Variants in CSMD3 observed in about 807,000 individuals in gnomAD.
CSMD3 encodes the protein CUB and sushi domain-containing protein 3.
Under a neutral mutation model 435.2 loss-of-function variants are expected in CSMD3, and 177 were observed. The ratio of observed to expected loss-of-function variants is 0.41; its 90% CI spans 0.36 to 0.46. The LOEUF is 0.46. Ranked by LOEUF, CSMD3 falls within the 20% of genes least tolerant of loss-of-function variation. The probability of loss-of-function intolerance (pLI) is 0.34; values close to 1 mark genes in which losing one functional copy is unlikely to be tolerated. For missense variants in CSMD3, 4,265 were observed against 4,504.6 expected (o/e 0.95, Z 1.52); for synonymous variants, 1,656 against 1,520.5 (o/e 1.09, Z -2.07).
intron 10 of CSMD3, among the ~76,000 whole-genome samples, chr8:112,901,259 T>C (rs1365870476): frequency 6.6e-6 from 1 of 151,294 alleles, no homozygotes; most frequent in East Asian, 2.0e-4. Context: ...TCAAACTCTT[T>C]TGCAGTGTGT....
chr8:112,650,026 C>T, intron 19 of CSMD3, 135 bp downstream of exon 19: 2 of 679,780 alleles, frequency 2.9e-6, no homozygotes, highest in Non-Finnish European at 5.1e-6. Context: ...GGTTTGATAA[C>T]ATAAATTTGC....
chr8:112,264,844 T>C (rs548468760), intron 60 of CSMD3, among the ~76,000 whole-genome samples: 102 of 152,064 alleles, frequency 6.7e-4, no homozygotes, highest in African/African-American at 2.4e-3. Context: ...ATCATAAAAA[T>C]TGGCCAAAAA....
intron 13 of CSMD3, among the ~76,000 whole-genome samples, chr8:112,743,895 A>G (rs1460829098): frequency 6.6e-6 from 1 of 152,076 alleles, no homozygotes; most frequent in Admixed American, 6.6e-5. Context: ...CATTAAAAAC[A>G]TATGATTAAA....
chr8:113,179,147 G>A (rs887889326), intron 3 of CSMD3, among the ~76,000 whole-genome samples: 5 of 151,636 alleles, frequency 3.3e-5, no homozygotes, highest in Admixed American at 3.3e-4. Context: ...TAGCCAAAAT[G>A]ATGTATGCAT....
At position 112,615,883 on chromosome 8, in the gene CSMD3, C is replaced by T. The variant is rs74970863; in HGVS notation, c.3715+20934G>A. On this transcript the variant is annotated intron_variant, in intron 22 of 70. Transcript: ENST00000297405. ...AAATAAGTGTTGGTCATGTTTTCAC[C>T]GAAAGGCTCCAACAACTTATCTCTG... is the stretch of plus-strand genomic sequence containing the variant. Among the ~76,000 whole-genome samples, 1,449 of 151,992 alleles carry T rather than the reference C, an allele frequency of 9.5e-3. 22 individuals carry two copies. Among genetic ancestry groups the T allele is most frequent in the African/African-American group, 0.033 (1,388 of 41,480 alleles).
At position 112,409,030 on chromosome 8, in the gene CSMD3, C is replaced by T. The variant is rs750818199; in HGVS notation, c.5398G>A (p.Val1800Met). The stretch of plus-strand genomic sequence containing the variant: ...TGGAAAAATACAAACTGGCCAAACA[C>T]CACTGATCAACAGGAACCCGGAGAA... ...YSIAVPKEFVVFGQFVFFQTS... is the reference protein window; with the variant it reads ...YSIAVPKEFVMFGQFVFFQTS... The change falls in exon 33 of 71, where the codon GTG (valine) becomes ATG (methionine). Residue 1800 changes from valine (V) to methionine (M), a missense_variant and splice_region_variant. This residue lies in a region of CSMD3 where 3,255 missense variants were observed against 3,380.2 expected (regional missense o/e 0.96). Coordinates refer to ENST00000297405, the MANE Select transcript of CSMD3 (RefSeq NM_198123.2). 6.2e-7 allele frequency: 1 copy of T among 1,613,350 alleles called. No homozygotes were observed. Among genetic ancestry groups the T allele is most frequent in the South Asian group, 1.1e-5 (1 of 91,060 alleles).
intron 10 of CSMD3, among the ~76,000 whole-genome samples, chr8:112,909,930 T>C (rs558809923): frequency 6.6e-6 from 1 of 151,904 alleles, no homozygotes; most frequent in African/African-American, 2.4e-5. Context: ...CCTCACTGCA[T>C]CAAACTTCCA....
In CSMD3 at chr8:112,535,063, C is replaced by A. The variant is rs191655216; in HGVS notation, c.4564+15608G>T. 3.4e-3 allele frequency among the ~76,000 whole-genome samples: 511 copies of A among 152,278 alleles called. 1 individual carries two copies. The highest frequency in any genetic ancestry group is 0.012 in the African/African-American group (488 of 41,552). ...ATAAGAGCTGTCTATGACAAACCCACAGCCAATATGGGCAAAAACTGGAAG... is the reference window on the plus strand; with the variant it reads ...ATAAGAGCTGTCTATGACAAACCCAAAGCCAATATGGGCAAAAACTGGAAG... On this transcript the variant is annotated intron_variant, in intron 27 of 70. Transcript: ENST00000297405.
chr8:112,803,856 G>T (rs1008305596), intron 12 of CSMD3, among the ~76,000 whole-genome samples: 1 of 152,108 alleles, frequency 6.6e-6, no homozygotes, highest in Non-Finnish European at 1.5e-5. Flanking sequence ...ACAGTCCCGG[G>T]CATGGAGATT....
intron 10 of CSMD3, among the ~76,000 whole-genome samples, chr8:112,902,164 C>CA (rs953481950): frequency 2.6e-5 from 4 of 151,288 alleles, no homozygotes; most frequent in African/African-American, 9.7e-5. Context: ...CAAAAGGAGA[C>CA]AGCCTTTATC....
chr8:112,885,776 T>C, intron 10 of CSMD3, among the ~76,000 whole-genome samples: 1 of 151,772 alleles, frequency 6.6e-6, no homozygotes, highest in Non-Finnish European at 1.5e-5. Context: ...ATTCTCAATG[T>C]TCCTTTATGG....
intron 69 of CSMD3, among the ~76,000 whole-genome samples, chr8:112,229,162 A>G (rs118148161): frequency 2.0e-4 from 30 of 152,336 alleles, no homozygotes; most frequent in South Asian, 1.9e-3. Flanking sequence ...CATATGGAGT[A>G]TATAATAAGT....
intron 5 of CSMD3, among the ~76,000 whole-genome samples, chr8:113,091,943 T>A (rs1473093727): frequency 6.6e-6 from 1 of 152,020 alleles, no homozygotes; most frequent in East Asian, 1.9e-4. Flanking sequence ...GTACTGCTTT[T>A]TCTGTATCAC....
intron 22 of CSMD3, among the ~76,000 whole-genome samples, chr8:112,623,731 T>C (rs1834262117): frequency 6.6e-6 from 1 of 151,452 alleles, no homozygotes; most frequent in Non-Finnish European, 1.5e-5. Context: ...TGTTGAATTA[T>C]ATTGATTTAA....
At chr8:112,274,905 A>G (rs1394495262) in intron 59 of CSMD3, among the ~76,000 whole-genome samples, 1 of 152,222 alleles carries the variant, frequency 6.6e-6, no homozygotes, top group Non-Finnish European at 1.5e-5. Flanking sequence ...ATAGTTGACT[A>G]ATTAAAGTTG....
At chr8:112,493,034 T>C (rs934472547) in intron 30 of CSMD3, among the ~76,000 whole-genome samples, 12 of 152,170 alleles carry the variant, frequency 7.9e-5, no homozygotes, top group African/African-American at 2.4e-4. Context: ...CTGTTTTTTA[T>C]GGACCTTTAA....
At chr8:112,926,279 T>TAC (rs1285104537) in intron 9 of CSMD3, among the ~76,000 whole-genome samples, 1 of 152,034 alleles carries the variant, frequency 6.6e-6, no homozygotes, top group African/African-American at 2.4e-5. Flanking sequence ...TGTTTGTGTG[T>TAC]GTGTATGCAT....
intron 45 of CSMD3, among the ~76,000 whole-genome samples, chr8:112,324,866 A>G (rs1487873615): frequency 6.6e-6 from 1 of 152,070 alleles, no homozygotes; most frequent in Non-Finnish European, 1.5e-5. Flanking sequence ...ATAGCAAGAG[A>G]CTACTAGAGT....
At position 112,872,174 on chromosome 8, in the gene CSMD3, G is replaced by A. The variant is rs73344089; in HGVS notation, c.1634-12908C>T. On this transcript the variant is annotated intron_variant, in intron 10 of 70. Coordinates refer to ENST00000297405, the MANE Select transcript of CSMD3 (RefSeq NM_198123.2). ...TAAAACCTATTTAAATCAGCATCTG[G>A]AACTATCAATAAGTAGTTCAGTTCA... Among the ~76,000 whole-genome samples the A allele has an allele frequency of 4.9e-3, 746 of 152,016 alleles. 4 individuals carry two copies. The highest frequency in any genetic ancestry group is 0.017 in the African/African-American group (692 of 41,512).
Sources: allele counts gnomAD v4.1 joint callset (sites outside exome capture counted in the v4.1 genomes callset), GRCh38; gene constraint gnomAD v4.1.1; regional missense constraint gnomAD v4.1.1; transcripts MANE v1.5; gene names NCBI Gene and HGNC (gene_info 2026-07-23, HGNC 2026-07-21).